Variants in TEX9 observed in about 807,000 individuals in gnomAD.
The protein encoded by TEX9 is testis expressed 9.
Under a neutral mutation model 59.6 loss-of-function variants are expected in TEX9, and 74 were observed. That is an observed-to-expected ratio of 1.24 (90% CI 1.03 to 1.51). The LOEUF (loss-of-function observed/expected upper bound fraction) is 1.51, where lower values mean the gene tolerates loss of function less well. Among genes scored for constraint, TEX9 ranks in the 40% most tolerant of loss-of-function variants. The pLI is 0.00. For missense variants in TEX9, 522 were observed against 447.8 expected (o/e 1.17, Z -1.49); for synonymous variants, 186 against 152.2 (o/e 1.22, Z -1.64).
chr15:56,365,091 G>A (rs139959244), upstream of TEX9, among the ~76,000 whole-genome samples: 12 of 152,328 alleles, frequency 7.9e-5, no homozygotes, highest in East Asian at 2.3e-3. Context: ...ACGGGGTGAA[G>A]GTCGGATTAG....
chr15:56,305,378 T>C (rs1470554356), intron 1 of TEX9, among the ~76,000 whole-genome samples: 3 of 152,156 alleles, frequency 2.0e-5, no homozygotes, highest in Non-Finnish European at 4.4e-5. Context: ...CTTCAAATTA[T>C]ATTACAGAGC....
At chr15:56,333,545 T>C (rs1352857243) in intron 1 of TEX9, among the ~76,000 whole-genome samples, 2 of 149,346 alleles carry the variant, frequency 1.3e-5, no homozygotes, top group African/African-American at 4.9e-5. Context: ...AAGCCATAGA[T>C]GACAGAACCA....
chr15:56,354,329 C>T (rs1434949672), intron 1 of TEX9, among the ~76,000 whole-genome samples: 2 of 152,158 alleles, frequency 1.3e-5, no homozygotes, highest in African/African-American at 2.4e-5. Flanking sequence ...TCTTAAACTA[C>T]TGTTACTGCT....
intron 4 of TEX9, among the ~76,000 whole-genome samples, chr15:56,387,249 C>A (rs1258104031): frequency 1.3e-5 from 2 of 151,812 alleles, no homozygotes; most frequent in East Asian, 3.9e-4. Context: ...CCTTAAATGT[C>A]TTTTGGCTGA....
chr15:56,373,307 C>A, intron 2 of TEX9, 134 bp from the exon 3 acceptor site: 1 of 716,758 alleles, frequency 1.4e-6, no homozygotes, highest in Non-Finnish European at 2.2e-6. Context: ...TGGCTGTGTT[C>A]ATTTTAGAGT....
At chr15:56,446,298 T>C (rs1488873229), downstream of TEX9, among the ~76,000 whole-genome samples, 2 of 151,992 alleles carry the variant, frequency 1.3e-5, no homozygotes, top group African/African-American at 2.4e-5. Flanking sequence ...AACCCTATTA[T>C]ATATTCATAC....
intron 1 of TEX9, among the ~76,000 whole-genome samples, chr15:56,315,962 A>T (rs2045747268): frequency 6.6e-6 from 1 of 151,528 alleles, no homozygotes; most frequent in African/African-American, 2.4e-5. Flanking sequence ...AGGCTTCTGC[A>T]TTCTTCACGT....
At chr15:56,424,531 G>A (rs2050148647) in intron 10 of TEX9, among the ~76,000 whole-genome samples, 1 of 152,012 alleles carries the variant, frequency 6.6e-6, no homozygotes, top group African/African-American at 2.4e-5. Context: ...ACAATTTTAT[G>A]TATGTCTTGA....
chr15:56,394,003 T>TATTCG (rs2048336012), intron 7 of TEX9, 162 bp from the exon 8 acceptor site: 1 of 504,826 alleles, frequency 2.0e-6, no homozygotes, highest in Middle Eastern at 5.6e-4. Context: ...CATTGACCTT[T>TATTCG]TCATTAGGAC....
intron 1 of TEX9, among the ~76,000 whole-genome samples, chr15:56,283,049 GGTGTGTGT>G (rs3985761): frequency 6.7e-5 from 10 of 148,542 alleles, no homozygotes; most frequent in South Asian, 6.5e-4. Context: ...TACATTGTGT[GGTGTGTGT>G]GTGTGTGTGT....
intron 1 of TEX9, among the ~76,000 whole-genome samples, chr15:56,304,975 T>C (rs1298693434): frequency 1.3e-5 from 2 of 152,192 alleles, no homozygotes; most frequent in Non-Finnish European, 2.9e-5. Context: ...GCATTGAGCA[T>C]TTCTATATGC....
chr15:56,401,280 G>A (rs1461827552), intron 9 of TEX9, among the ~76,000 whole-genome samples: 1 of 124,018 alleles, frequency 8.1e-6, no homozygotes, highest in Non-Finnish European at 1.6e-5. Context: ...TAAAGGGATG[G>A]AGGAAGACCT....
At chr15:56,405,748 A>C (rs1451561351) in intron 9 of TEX9, among the ~76,000 whole-genome samples, 1 of 152,144 alleles carries the variant, frequency 6.6e-6, no homozygotes, top group Non-Finnish European at 1.5e-5. Context: ...ATCTCGGTGT[A>C]CAGTTCACAG....
At position 56,428,359 on chromosome 15, in the gene TEX9, T is replaced by A. The variant is rs1685892505; in HGVS notation, c.1099-8T>A. On this transcript the variant is annotated splice_polypyrimidine_tract_variant and splice_region_variant and intron_variant, in intron 11 of 12. Coordinates refer to ENST00000352903, the Ensembl canonical transcript of TEX9. The stretch of plus-strand genomic sequence containing the variant: ...TAAATCAGACAATATTGATTTTTTT[T>A]TTAACAGATGCATATTGAAGCTGCC... The A allele has an allele frequency of 1.9e-6, 3 of 1,608,088 alleles. No homozygotes were observed. Among genetic ancestry groups the A allele is most frequent in the African/African-American group, 1.3e-5 (1 of 74,790 alleles).
intron 9 of TEX9, among the ~76,000 whole-genome samples, chr15:56,411,584 C>A (rs543164316): frequency 1.3e-5 from 2 of 152,274 alleles, no homozygotes; most frequent in East Asian, 3.9e-4. Flanking sequence ...AGGCAGGAAA[C>A]ACCATGGCTG....
chr15:56,358,669 G>T (rs1387304510), intron 1 of TEX9, among the ~76,000 whole-genome samples: 1 of 151,964 alleles, frequency 6.6e-6, no homozygotes, highest in Non-Finnish European at 1.5e-5. Context: ...CTAGGGTTTG[G>T]TCCAGTATGT....
At chr15:56,386,293 A>G (rs1381580600) in intron 4 of TEX9, among the ~76,000 whole-genome samples, 1 of 151,644 alleles carries the variant, frequency 6.6e-6, no homozygotes, top group East Asian at 1.9e-4. Flanking sequence ...GGGACTACCA[A>G]GGAACACAAG....
At chr15:56,379,103 GAAAA>G (rs2047604066) in intron 3 of TEX9, among the ~76,000 whole-genome samples, 1 of 149,818 alleles carries the variant, frequency 6.7e-6, no homozygotes, top group Admixed American at 6.7e-5. Flanking sequence ...GAAAAAAAAA[GAAAA>G]GAAAGAAAGA....
chr15:56,337,429 T>G (rs1455658225), intron 1 of TEX9, among the ~76,000 whole-genome samples: 5 of 152,198 alleles, frequency 3.3e-5, no homozygotes, highest in African/African-American at 1.2e-4. Context: ...TATAAGCTGT[T>G]GGAACTTTAT....
Sources: gnomAD v4.1 joint callset for allele counts (sites outside exome capture counted in the v4.1 genomes callset) on GRCh38, gnomAD v4.1.1 for gene constraint, MANE v1.5 for transcripts, NCBI Gene and HGNC (gene_info 2026-07-23, HGNC 2026-07-21) for gene names.